The following RAB2A variants were observed in gnomAD, a reference collection of about 807,000 sequenced individuals.
RAB2A encodes the protein RAB2A, member RAS oncogene family.
Under a neutral mutation model 32.5 loss-of-function variants are expected in RAB2A, and 7 were observed. The observed-to-expected ratio is 0.22, with a 90% confidence interval of 0.12 to 0.40. RAB2A has a LOEUF of 0.40. Among genes scored for constraint, RAB2A ranks in the 10% least tolerant of loss-of-function variants. The pLI, the probability that RAB2A is intolerant of heterozygous loss-of-function variation, is 1.00. For missense variants in RAB2A, 108 were observed against 260.7 expected (o/e 0.41, Z 4.03); for synonymous variants, 79 against 85.2 (o/e 0.93, Z 0.40).
At chr8:60,556,641 T>TTAAA (rs749763420) in intron 1 of RAB2A, among the ~76,000 whole-genome samples, 1 of 106,582 alleles carries the variant, frequency 9.4e-6, no homozygotes. Flanking sequence ...CTCTTTTTAA[T>TTAAA]AAAAAAAAAA....
intron 6 of RAB2A, among the ~76,000 whole-genome samples, chr8:60,604,197 G>A (rs1434085186): frequency 1.3e-5 from 2 of 152,082 alleles, no homozygotes. Context: ...CCTTTGCCTT[G>A]TGCCATGATT....
chr8:60,550,912 T>G (rs1807836405), intron 1 of RAB2A, among the ~76,000 whole-genome samples: 1 of 152,190 alleles, frequency 6.6e-6, no homozygotes, highest in African/African-American at 2.4e-5. Context: ...CTCCTGTGCT[T>G]TAGCCACATT....
chr8:60,586,111 G>T (rs545861775), intron 5 of RAB2A, among the ~76,000 whole-genome samples: 1 of 152,114 alleles, frequency 6.6e-6, no homozygotes, highest in African/African-American at 2.4e-5. Context: ...ATCAGCCCGG[G>T]CAACACAGGG....
chr8:60,517,351 C>A, intron 1 of RAB2A, 98 bp downstream of exon 1: 1 of 1,125,674 alleles, frequency 8.9e-7, no homozygotes. Context: ...CGGACTCCAC[C>A]CGGCGCCTCC....
intron 2 of RAB2A, among the ~76,000 whole-genome samples, chr8:60,559,519 T>C (rs1220261985): frequency 1.3e-5 from 2 of 152,202 alleles, no homozygotes; most frequent in African/African-American, 4.8e-5. Flanking sequence ...AGTCAACAAA[T>C]ATTAGCTGTT....
chr8:60,592,757 T>C (rs1208543192), intron 6 of RAB2A, among the ~76,000 whole-genome samples: 1 of 152,200 alleles, frequency 6.6e-6, no homozygotes, highest in Non-Finnish European at 1.5e-5. Flanking sequence ...ATACATATTA[T>C]AAATAGATGA....
intron 1 of RAB2A, among the ~76,000 whole-genome samples, chr8:60,541,407 A>G (rs569498191): frequency 4.2e-4 from 64 of 152,330 alleles, no homozygotes; most frequent in African/African-American, 1.5e-3. Context: ...TTAAAGGTAA[A>G]GAGATTTTAT....
In RAB2A at chr8:60,601,345, T is replaced by C. The variant is rs531460375; in HGVS notation, c.474+9376T>C. On this transcript the variant is annotated intron_variant, in intron 6 of 7. Coordinates refer to ENST00000262646, the MANE Select transcript of RAB2A (RefSeq NM_002865.3). ...TATTATGCATAGACTTTATTTTCTT[T>C]CTTTTTTTTTTTGAGATGGAGTGTC... 5.3e-5 allele frequency among the ~76,000 whole-genome samples: 8 copies of C among 152,160 alleles called. No homozygotes were observed. The South Asian group carries it at 1.7e-3, about 32-fold the overall frequency.
At chr8:60,542,646 A>G (rs1049398450) in intron 1 of RAB2A, among the ~76,000 whole-genome samples, 1 of 152,208 alleles carries the variant, frequency 6.6e-6, no homozygotes, top group Non-Finnish European at 1.5e-5. Context: ...GTCTCATCCC[A>G]GAAGTGTTTT....
chr8:60,560,898 C>G (rs1307363435), intron 2 of RAB2A, among the ~76,000 whole-genome samples: 5 of 152,116 alleles, frequency 3.3e-5, no homozygotes, highest in East Asian at 1.9e-4. Flanking sequence ...GGAGTAGACC[C>G]AAGAATTGTT....
intron 3 of RAB2A, among the ~76,000 whole-genome samples, chr8:60,575,932 G>GGT (rs1803610197): frequency 6.6e-6 from 1 of 152,096 alleles, no homozygotes; most frequent in African/African-American, 2.4e-5. Flanking sequence ...TGGGATTATA[G>GGT]GTGTGAGCCA....
chr8:60,539,868 C>T (rs754495463), intron 1 of RAB2A, among the ~76,000 whole-genome samples: 13 of 152,058 alleles, frequency 8.5e-5, no homozygotes, highest in South Asian at 2.1e-4. Context: ...CTGCTAAGTT[C>T]CACACCTTGT....
chr8:60,539,441 A>G (rs1807605588), intron 1 of RAB2A, among the ~76,000 whole-genome samples: 2 of 152,246 alleles, frequency 1.3e-5, no homozygotes, highest in South Asian at 4.1e-4. Flanking sequence ...CATTACACAA[A>G]TAAGCAAACA....
At chr8:60,572,199 G>A (rs970028804) in intron 3 of RAB2A, 86 bp downstream of exon 3, 6 of 1,005,234 alleles carry the variant, frequency 6.0e-6, no homozygotes, top group Admixed American at 2.2e-5. Flanking sequence ...GTTATTATAT[G>A]CCTGTTATGG....
chr8:60,533,411 T>G (rs369020788), intron 1 of RAB2A, among the ~76,000 whole-genome samples: 46 of 152,326 alleles, frequency 3.0e-4, no homozygotes, highest in African/African-American at 1.1e-3. Context: ...TGAACCATTT[T>G]AACCTAAAAA....
chr8:60,541,372 G>C (rs1166248419), intron 1 of RAB2A, among the ~76,000 whole-genome samples: 10 of 151,984 alleles, frequency 6.6e-5, no homozygotes, highest in Admixed American at 3.9e-4. Flanking sequence ...AAAAACTAAG[G>C]GAAAAAATTA....
At chr8:60,598,075 G>T (rs1181125988) in intron 6 of RAB2A, among the ~76,000 whole-genome samples, 2 of 152,184 alleles carry the variant, frequency 1.3e-5, no homozygotes, top group African/African-American at 4.8e-5. Flanking sequence ...GCAGGAGCCT[G>T]TAATCCCGGC....
intron 1 of RAB2A, among the ~76,000 whole-genome samples, chr8:60,543,560 C>G (rs1273526763): frequency 6.6e-6 from 1 of 152,154 alleles, no homozygotes; most frequent in Non-Finnish European, 1.5e-5. Flanking sequence ...CTGCAAAGAT[C>G]CTTTTTCCAA....
Position 60,623,245 on chromosome 8 carries a change from AT to A in RAB2A, c.*2479del, listed in dbSNP as rs1320917817. ...GAAACAGGATATACAACTGCATACA[AT>A]TTGTTTTTAATGATATTTTAAAATA... On this transcript the variant is annotated 3_prime_UTR_variant, in exon 8 of 8. Transcript: ENST00000262646. The A allele has an allele frequency of 6.6e-6, 1 of 152,226 alleles. No individual in the cohort carries two copies. The highest frequency in any genetic ancestry group is 1.5e-5 in the Non-Finnish European group (1 of 68,030). 9.4% of individuals were successfully genotyped at this position (152,226 alleles called of 1,614,324 possible). A position where few individuals can be genotyped will look rare whatever the true frequency, so the allele number is the denominator to read the frequency against.
Sources: allele counts gnomAD v4.1 joint callset (sites outside exome capture counted in the v4.1 genomes callset), GRCh38; gene constraint gnomAD v4.1.1; transcripts MANE v1.5; gene names NCBI Gene and HGNC (gene_info 2026-07-23, HGNC 2026-07-21).